Variants in DLC1 observed in about 807,000 individuals in gnomAD.
DLC1 encodes DLC1 Rho GTPase activating protein.
DLC1 carries 54 observed loss-of-function variants against 140.3 expected under a neutral mutation model. The observed-to-expected ratio is 0.38, with a 90% CI of 0.31 to 0.48. The LOEUF is 0.48. Ranked by LOEUF, DLC1 falls within the 20% of genes least tolerant of loss-of-function variation. The pLI is 0.96. For synonymous variants in DLC1, 986 were observed against 728.1 expected (o/e 1.35, Z -5.70); for missense variants, 2,536 against 1,907.0 (o/e 1.33, Z -6.14).
intron 5 of DLC1, among the ~76,000 whole-genome samples, chr8:13,213,707 C>T (rs948153793): frequency 4.6e-5 from 7 of 151,876 alleles, no homozygotes; most frequent in African/African-American, 1.7e-4. Flanking sequence ...CCCAACTGTA[C>T]AATAAAATTT....
chr8:13,301,459 A>G (rs893182890), intron 5 of DLC1, among the ~76,000 whole-genome samples: 7 of 152,320 alleles, frequency 4.6e-5, no homozygotes, highest in South Asian at 2.1e-4. Context: ...ACCAATTATC[A>G]TAAAAGACAG....
intron 1 of DLC1, among the ~76,000 whole-genome samples, chr8:13,580,880 T>C (rs1805070072): frequency 6.6e-6 from 1 of 152,098 alleles, no homozygotes; most frequent in South Asian, 2.1e-4. Context: ...GAATGGATTG[T>C]TTTCTATTGT....
intron 7 of DLC1, among the ~76,000 whole-genome samples, 182 bp from the exon 8 acceptor site, chr8:13,103,035 G>C (rs554649649): frequency 1.5e-4 from 23 of 152,320 alleles, no homozygotes; most frequent in African/African-American, 5.5e-4. Context: ...CCTTGGCCGG[G>C]CGTGGTGGCT....
intron 2 of DLC1, among the ~76,000 whole-genome samples, chr8:13,444,156 A>C (rs1798672165): frequency 6.6e-6 from 1 of 151,958 alleles, no homozygotes; most frequent in African/African-American, 2.4e-5. Context: ...TCTGTATATT[A>C]GCCCTTTGTC....
At chr8:13,491,306 C>T (rs1801228448) in intron 2 of DLC1, among the ~76,000 whole-genome samples, 2 of 152,046 alleles carry the variant, frequency 1.3e-5, no homozygotes, top group African/African-American at 4.8e-5. Context: ...CTGCCATCTT[C>T]TCTCCACTCC....
chr8:13,270,313 A>G (rs1443621277), intron 5 of DLC1, among the ~76,000 whole-genome samples: 1 of 152,186 alleles, frequency 6.6e-6, no homozygotes, highest in Non-Finnish European at 1.5e-5. Flanking sequence ...CATGCACACT[A>G]CTTTAAATAA....
intron 1 of DLC1, among the ~76,000 whole-genome samples, chr8:13,585,776 A>G (rs1042605469): frequency 6.6e-5 from 10 of 152,038 alleles, no homozygotes; most frequent in Admixed American, 6.6e-4. Context: ...TATTCTACCC[A>G]TGCTCATATC....
At chr8:13,370,972 G>A (rs1356471688) in intron 4 of DLC1, among the ~76,000 whole-genome samples, 1 of 152,112 alleles carries the variant, frequency 6.6e-6, no homozygotes, top group Non-Finnish European at 1.5e-5. Context: ...TGATGTGGGT[G>A]ACGTACTCTA....
intron 2 of DLC1, among the ~76,000 whole-genome samples, chr8:13,438,057 A>G (rs1341403766): frequency 4.0e-5 from 6 of 149,762 alleles, no homozygotes; most frequent in Non-Finnish European, 7.4e-5. Flanking sequence ...ACTATCAGTT[A>G]TATAAAATTA....
intron 4 of DLC1, among the ~76,000 whole-genome samples, chr8:13,314,156 T>C (rs535911807): frequency 1.3e-4 from 20 of 151,810 alleles, no homozygotes; most frequent in Non-Finnish European, 2.2e-4. Flanking sequence ...ATTTATCACT[T>C]ACTGAAATTT....
intron 5 of DLC1, among the ~76,000 whole-genome samples, chr8:13,220,543 A>G (rs765936581): frequency 2.0e-5 from 3 of 152,216 alleles, no homozygotes; most frequent in Non-Finnish European, 4.4e-5. Context: ...CACATCAAGT[A>G]GAACATTATA....
intron 5 of DLC1, among the ~76,000 whole-genome samples, chr8:13,233,548 A>G (rs1829150995): frequency 6.6e-6 from 1 of 152,180 alleles, no homozygotes; most frequent in South Asian, 2.1e-4. Context: ...ATTTTATTCC[A>G]ATCATGGAGT....
At chr8:13,302,451 CA>C (rs1384944041) in intron 5 of DLC1, among the ~76,000 whole-genome samples, 1 of 152,122 alleles carries the variant, frequency 6.6e-6, no homozygotes, top group African/African-American at 2.4e-5. Context: ...GGGCAGGAGA[CA>C]AGCAGCAGAA....
chr8:13,555,828 A>T (rs974445754), intron 1 of DLC1, among the ~76,000 whole-genome samples: 5 of 151,864 alleles, frequency 3.3e-5, no homozygotes, highest in Admixed American at 1.3e-4. Flanking sequence ...TTTAAATAAG[A>T]AAGGACTCAA....
intron 1 of DLC1, among the ~76,000 whole-genome samples, chr8:13,503,031 A>G (rs1801889264): frequency 6.6e-6 from 1 of 152,190 alleles, no homozygotes; most frequent in African/African-American, 2.4e-5. Context: ...CATGATTTTG[A>G]ATTCATTGTT....
chr8:13,542,587 A>G (rs1803521899), intron 1 of DLC1, among the ~76,000 whole-genome samples: 1 of 152,162 alleles, frequency 6.6e-6, no homozygotes, highest in Admixed American at 6.5e-5. Flanking sequence ...AGATTGATCA[A>G]ATGTCACCTC....
chr8:13,396,567 A>G (rs1187852624), intron 3 of DLC1, among the ~76,000 whole-genome samples: 1 of 152,084 alleles, frequency 6.6e-6, no homozygotes, highest in Non-Finnish European at 1.5e-5. Context: ...CACACGAGAG[A>G]TGGTGGGTGA....
chr8:13,240,448 G>T (rs1318795817), intron 5 of DLC1, among the ~76,000 whole-genome samples: 1 of 152,010 alleles, frequency 6.6e-6, no homozygotes, highest in Non-Finnish European at 1.5e-5. Flanking sequence ...TCTGAGACAG[G>T]GTCTCTCTCT....
At chr8:13,451,062 A>G (rs1203350673) in intron 2 of DLC1, among the ~76,000 whole-genome samples, 3 of 143,796 alleles carry the variant, frequency 2.1e-5, no homozygotes, top group African/African-American at 5.1e-5. Flanking sequence ...AAAAAAAAAA[A>G]AAAAAAGAAA....
Sources: gnomAD v4.1 joint callset for allele counts (sites outside exome capture counted in the v4.1 genomes callset) on GRCh38, gnomAD v4.1.1 for gene constraint, MANE v1.5 for transcripts, NCBI Gene and HGNC (gene_info 2026-07-23, HGNC 2026-07-21) for gene names.